The following ANK3 variants were observed in gnomAD, a reference collection of about 807,000 sequenced individuals.
The protein encoded by ANK3 is ankyrin 3.
ANK3 carries 57 observed loss-of-function variants against 370.9 expected under a neutral mutation model. That is an observed-to-expected ratio of 0.15 (90% CI 0.12 to 0.19). The LOEUF is 0.19. Ranked by LOEUF, ANK3 falls within the 10% of genes least tolerant of loss-of-function variation. ANK3 has a pLI of 1.00. For missense variants in ANK3, 4,439 were observed against 5,302.1 expected (o/e 0.84, Z 5.06); for synonymous variants, 1,929 against 1,946.3 (o/e 0.99, Z 0.23).
intron 1 of ANK3, among the ~76,000 whole-genome samples, chr10:60,627,067 G>C (rs1445811451): frequency 6.6e-6 from 1 of 152,128 alleles, no homozygotes; most frequent in Non-Finnish European, 1.5e-5. Context: ...TGAAGACAGA[G>C]AAAGGCCCGA....
At chr10:60,203,970 A>G (rs1165262072) in intron 11 of ANK3, among the ~76,000 whole-genome samples, 1 of 152,230 alleles carries the variant, frequency 6.6e-6, no homozygotes, top group African/African-American at 2.4e-5. Flanking sequence ...CATGAACATC[A>G]TAACTTGATA....
intron 2 of ANK3, among the ~76,000 whole-genome samples, chr10:60,514,931 T>G (rs997553469): frequency 2.6e-5 from 4 of 152,182 alleles, no homozygotes; most frequent in Non-Finnish European, 2.9e-5. Flanking sequence ...GAGTTGTGTC[T>G]TTGGTTGATA....
exon 1 of ANK3, chr10:60,733,384 G>A (rs1371557443): frequency 8.2e-7 from 1 of 1,215,422 alleles, no homozygotes; most frequent in East Asian, 3.2e-5. Context: ...CCCGCTCCTC[G>A]GGCCTCCAAA....
chr10:60,298,664 G>A (rs1476593866), intron 1 of ANK3, among the ~76,000 whole-genome samples: 1 of 152,092 alleles, frequency 6.6e-6, no homozygotes, highest in Admixed American at 6.6e-5. Context: ...CTGCACATAT[G>A]GGCTGAGATC....
chr10:60,279,453 C>A, intron 2 of ANK3, 85 bp downstream of exon 2: 1 of 1,077,244 alleles, frequency 9.3e-7, no homozygotes, highest in South Asian at 1.5e-5. Context: ...GAAAAAAACC[C>A]CACAAATAAA....
chr10:60,587,166 C>G (rs112339977), intron 2 of ANK3, among the ~76,000 whole-genome samples: 1 of 152,166 alleles, frequency 6.6e-6, no homozygotes, highest in Non-Finnish European at 1.5e-5. Flanking sequence ...CTTATAAAGC[C>G]ATCAGATCTT....
At chr10:60,617,338 A>G (rs1305951290) in intron 1 of ANK3, among the ~76,000 whole-genome samples, 5 of 151,862 alleles carry the variant, frequency 3.3e-5, no homozygotes, top group South Asian at 2.1e-4. Context: ...GGACTTTATC[A>G]TAGGTATAAC....
chr10:60,134,452 T>C, intron 24 of ANK3, 79 bp from the exon 25 acceptor site: 2 of 1,073,218 alleles, frequency 1.9e-6, no homozygotes, highest in Non-Finnish European at 2.7e-6. Flanking sequence ...CATGCAACTT[T>C]AAGAACAGGC....
intron 1 of ANK3, among the ~76,000 whole-genome samples, chr10:60,297,741 G>C (rs2042846017): frequency 6.6e-6 from 1 of 151,926 alleles, no homozygotes; most frequent in Admixed American, 6.6e-5. Context: ...ACCGACCTGA[G>C]GTAGCATCTT....
rs745826990 is a variant in ANK3, at chr10:60,080,529, A to G, written c.4432+8T>C. ...CACGTAGATTAGTAAATGTGTTAGG[A>G]AACTCACTCATTCCAGGCTCAGTCA... On this transcript the variant is annotated splice_region_variant and intron_variant, in intron 36 of 43. Transcript: ENST00000280772. 6.2e-6 allele frequency: 10 copies of G among 1,607,694 alleles called. No individual in the cohort carries two copies. In the South Asian group the frequency reaches 1.1e-4, roughly 18 times the overall value.
chr10:60,089,850 A>T (rs1052944365), intron 28 of ANK3, among the ~76,000 whole-genome samples: 2 of 152,056 alleles, frequency 1.3e-5, no homozygotes, highest in African/African-American at 4.8e-5. Flanking sequence ...TGTATTATGT[A>T]TTTAAGTTAT....
intron 28 of ANK3, among the ~76,000 whole-genome samples, chr10:60,103,556 T>C (rs1427203381): frequency 2.6e-5 from 4 of 152,190 alleles, no homozygotes; most frequent in African/African-American, 7.2e-5. Flanking sequence ...TTTTTGGGGA[T>C]ATGAAAAGAG....
At chr10:60,595,200 G>A (rs1295514507) in intron 2 of ANK3, among the ~76,000 whole-genome samples, 2 of 152,098 alleles carry the variant, frequency 1.3e-5, no homozygotes, top group African/African-American at 4.8e-5. Context: ...AGCCCAGGGA[G>A]AGCTAACTTA....
In ANK3 at chr10:60,203,063, C is replaced by T; in HGVS notation, c.1331G>A (p.Gly444Glu). 6.2e-7 allele frequency: 1 copy of T among 1,613,094 alleles called. No individual in the cohort carries two copies. The highest frequency in any genetic ancestry group is 8.5e-7 in the Non-Finnish European group (1 of 1,179,534). The change falls in exon 12 of 44, where the codon GGG (glycine) becomes GAG (glutamate). Residue 444 changes from glycine (G) to glutamate (E), a missense_variant. Around this residue, in one of 13 missense-constraint regions of ANK3, gnomAD observed 227 missense variants for 377.6 expected, o/e 0.60. Coordinates refer to ENST00000280772, the MANE Select transcript of ANK3 (RefSeq NM_020987.5). ...LTPIHVAAFM[G>E]HVNIVSQLMH... is the part of the protein sequence containing the mutation. ...TAGTTGTGATACAATATTTACATGC[C>T]CCATGAAGGCAGCAACATGGATTGG...
intron 1 of ANK3, among the ~76,000 whole-genome samples, chr10:60,659,630 G>A (rs1344940243): frequency 2.0e-5 from 3 of 151,976 alleles, no homozygotes; most frequent in Admixed American, 2.0e-4. Context: ...TTTAATAAAA[G>A]AGTATATCCT....
intron 1 of ANK3, among the ~76,000 whole-genome samples, chr10:60,661,007 T>G (rs139030582): frequency 1.2e-3 from 188 of 152,222 alleles, no homozygotes; most frequent in African/African-American, 4.2e-3. Flanking sequence ...AGTTTAGGCT[T>G]AGTTCTCTAA....
At chr10:60,462,084 C>A (rs1809263724) in intron 2 of ANK3, among the ~76,000 whole-genome samples, 2 of 151,726 alleles carry the variant, frequency 1.3e-5, no homozygotes, top group African/African-American at 4.8e-5. Flanking sequence ...TAAGGAGGGG[C>A]AAAATGGGAA....
At chr10:60,118,758 A>T (rs545597610) in intron 25 of ANK3, among the ~76,000 whole-genome samples, 15 of 152,328 alleles carry the variant, frequency 9.8e-5, no homozygotes, top group Non-Finnish European at 1.9e-4. Flanking sequence ...AAAAGTTCTC[A>T]TAAATAAATA....
At chr10:60,538,441 C>A (rs1018699018) in intron 2 of ANK3, among the ~76,000 whole-genome samples, 1 of 151,882 alleles carries the variant, frequency 6.6e-6, no homozygotes, top group African/African-American at 2.4e-5. Flanking sequence ...CTTATTAATT[C>A]TCTCTGCCTG....
Sources: allele counts gnomAD v4.1 joint callset (sites outside exome capture counted in the v4.1 genomes callset), GRCh38; gene constraint gnomAD v4.1.1; regional missense constraint gnomAD v4.1.1; transcripts MANE v1.5; gene names NCBI Gene and HGNC (gene_info 2026-07-23, HGNC 2026-07-21).